The following SUSD4 variants were observed in gnomAD, a reference collection of about 807,000 sequenced individuals.
SUSD4 encodes sushi domain containing 4.
In SUSD4, 41 loss-of-function variants were observed where a neutral mutation model predicts 50.5. That is an observed-to-expected ratio of 0.81 (90% CI 0.63 to 1.05). The LOEUF is 1.05. Ranked by LOEUF, SUSD4 falls within the 50% of genes least tolerant of loss-of-function variation. The pLI is 0.00. For synonymous variants in SUSD4, 257 were observed against 257.3 expected (o/e 1.00, Z 0.01); for missense variants, 580 against 634.7 (o/e 0.91, Z 0.93).
intron 3 of SUSD4, among the ~76,000 whole-genome samples, chr1:223,282,011 G>C (rs994341827): frequency 6.6e-6 from 1 of 151,988 alleles, no homozygotes; most frequent in African/African-American, 2.4e-5. Flanking sequence ...CAATAGACAT[G>C]GAAAAGGCCT....
Position 223,363,374 on chromosome 1 carries a change from G to A in SUSD4, c.52C>T (p.Gln18Ter). Residue 18 changes from glutamine (Q) to a stop codon, truncating the protein, a stop_gained, in exon 2 of 9, where the codon CAG becomes TAG. Transcript: ENST00000366878. LOFTEE classifies it high-confidence loss of function. ...GGGGACTGAGGTTGCTGCTGCTGCTGCTGCTGCTCTAGAAATCCATCTCCA... is the reference window on the plus strand; with the variant it reads ...GGGGACTGAGGTTGCTGCTGCTGCTACTGCTGCTCTAGAAATCCATCTCCA... ...SNGDGFLEQQ[Q>*]QQQQPQSPQR... 1 of 1,596,028 alleles carries A rather than the reference G, an allele frequency of 6.3e-7. No homozygotes were observed. The highest frequency in any genetic ancestry group is 8.5e-7 in the Non-Finnish European group (1 of 1,171,270).
chr1:223,275,424 TCAA>T (rs1419537285), intron 3 of SUSD4, among the ~76,000 whole-genome samples: 1 of 152,194 alleles, frequency 6.6e-6, no homozygotes, highest in Non-Finnish European at 1.5e-5. Context: ...TCTGGAAAGT[TCAA>T]CAACAAGGAA....
intron 2 of SUSD4, among the ~76,000 whole-genome samples, chr1:223,314,995 G>A (rs825124): frequency 0.15 from 22,881 of 152,196 alleles, 2,083 homozygotes; most frequent in East Asian, 0.24. Flanking sequence ...AGGAGGCTGA[G>A]GGAGTGGAGC....
intron 8 of SUSD4, 103 bp from the exon 9 acceptor site, chr1:223,222,323 G>T: frequency 8.0e-7 from 1 of 1,247,940 alleles, no homozygotes; most frequent in Non-Finnish European, 1.1e-6. Flanking sequence ...TCAAATCAGT[G>T]AGGAGAAGAA....
intron 2 of SUSD4, among the ~76,000 whole-genome samples, chr1:223,347,385 A>G (rs1413032437): frequency 6.6e-6 from 1 of 152,074 alleles, no homozygotes; most frequent in East Asian, 1.9e-4. Context: ...CCCAGTGCAG[A>G]CGTCTTTCAA....
intron 3 of SUSD4, among the ~76,000 whole-genome samples, chr1:223,288,229 T>G (rs1326084533): frequency 1.3e-5 from 2 of 152,224 alleles, no homozygotes; most frequent in South Asian, 2.1e-4. Context: ...GGAGTTCTCA[T>G]GAGATCTGAT....
chr1:223,264,820 T>C lies in SUSD4; in HGVS notation c.536-2A>G. On this transcript the variant is annotated splice_acceptor_variant, in intron 4 of 8. Coordinates refer to ENST00000366878, the MANE Select transcript of SUSD4 (RefSeq NM_017982.4). LOFTEE classifies it high-confidence loss of function. ...AAGAGGCTAGAGGTCTCAGGCAGCCTGTGGAAGGTGAAAGAAAAAGGGAAA... is the reference window on the plus strand; with the variant it reads ...AAGAGGCTAGAGGTCTCAGGCAGCCCGTGGAAGGTGAAAGAAAAAGGGAAA... 6.2e-7 allele frequency: 1 copy of C among 1,610,882 alleles called. No homozygotes were observed. The highest frequency in any genetic ancestry group is 8.5e-7 in the Non-Finnish European group (1 of 1,178,126).
At chr1:223,233,658 C>T (rs1271516179) in intron 5 of SUSD4, among the ~76,000 whole-genome samples, 1 of 152,166 alleles carries the variant, frequency 6.6e-6, no homozygotes, top group Non-Finnish European at 1.5e-5. Context: ...CTGTGTGTTC[C>T]TAGAAATTCC....
intron 2 of SUSD4, among the ~76,000 whole-genome samples, chr1:223,314,619 C>A (rs889106713): frequency 3.9e-5 from 6 of 152,156 alleles, no homozygotes; most frequent in Admixed American, 6.5e-5. Context: ...GTCATTGAAT[C>A]ATGGGGGCGG....
At position 223,264,614 on chromosome 1, in the gene SUSD4, G is replaced by A; in HGVS notation, c.724+16C>T. On this transcript the variant is annotated intron_variant, in intron 5 of 8. Coordinates refer to ENST00000366878, the MANE Select transcript of SUSD4 (RefSeq NM_017982.4). ...ATAATACAAAATACAACTTCCGAAAGAATGAGATGTGTTACCTTCCAGAGC... is the reference window on the plus strand; with the variant it reads ...ATAATACAAAATACAACTTCCGAAAAAATGAGATGTGTTACCTTCCAGAGC... 6.8e-6 allele frequency: 11 copies of A among 1,612,362 alleles called. No individual in the cohort carries two copies. The highest frequency in any genetic ancestry group is 1.3e-5 in the African/African-American group (1 of 75,004).
intron 2 of SUSD4, among the ~76,000 whole-genome samples, chr1:223,328,525 C>T (rs1182671504): frequency 6.6e-6 from 1 of 152,176 alleles, no homozygotes; most frequent in Non-Finnish European, 1.5e-5. Flanking sequence ...CAAAAGGTAC[C>T]TCTGTGTTTA....
rs908431417 is a variant in SUSD4 at position 223,356,001 on chromosome 1, G to A, written c.148+7277C>T. On this transcript the variant is annotated intron_variant, in intron 2 of 8. Coordinates refer to ENST00000366878, the MANE Select transcript of SUSD4 (RefSeq NM_017982.4). ...GCACATGCCTCTGTTACACAGGGGA[G>A]AGTCATCTATAATGGCACTCCCAAC... is the stretch of plus-strand genomic sequence containing the variant. 3.9e-5 allele frequency among the ~76,000 whole-genome samples: 6 copies of A among 152,180 alleles called. 1 individual carries two copies. The highest frequency in any genetic ancestry group is 3.9e-4 in the Admixed American group (6 of 15,282).
intron 2 of SUSD4, among the ~76,000 whole-genome samples, chr1:223,352,698 C>G (rs973939263): frequency 1.3e-5 from 2 of 152,144 alleles, no homozygotes; most frequent in Non-Finnish European, 2.9e-5. Flanking sequence ...ACCTGCAAAG[C>G]TATAGAGGAC....
intron 2 of SUSD4, among the ~76,000 whole-genome samples, chr1:223,341,217 T>C (rs116323536): frequency 0.023 from 3,501 of 152,314 alleles, 74 homozygotes; most frequent in Non-Finnish European, 0.035. Flanking sequence ...TGTCCCCCAC[T>C]ATAACATGGG....
intron 2 of SUSD4, among the ~76,000 whole-genome samples, chr1:223,331,748 A>G (rs963329346): frequency 3.6e-4 from 55 of 152,250 alleles, no homozygotes; most frequent in African/African-American, 1.3e-3. Context: ...CATCTGACCA[A>G]GCCATCTGCT....
intron 5 of SUSD4, among the ~76,000 whole-genome samples, chr1:223,241,516 T>C (rs147719948): frequency 3.4e-4 from 51 of 152,224 alleles, no homozygotes; most frequent in African/African-American, 1.1e-3. Flanking sequence ...TCTCTCTATA[T>C]TGAGAGCAGC....
chr1:223,293,006 T>A (rs1664596872), intron 2 of SUSD4, among the ~76,000 whole-genome samples: 1 of 152,152 alleles, frequency 6.6e-6, no homozygotes, highest in Admixed American at 6.5e-5. Context: ...TTCAAGGAGA[T>A]GGCATCTGAG....
At chr1:223,318,906 C>T (rs71244646) in intron 2 of SUSD4, among the ~76,000 whole-genome samples, 1 of 99,740 alleles carries the variant, frequency 1.0e-5, no homozygotes, top group African/African-American at 4.0e-5. Context: ...TCAAACTATA[C>T]TACAAGGCTA....
At chr1:223,347,108 T>C (rs1451804452) in intron 2 of SUSD4, among the ~76,000 whole-genome samples, 1 of 152,190 alleles carries the variant, frequency 6.6e-6, no homozygotes, top group African/African-American at 2.4e-5. Context: ...CATATATTTA[T>C]GGGGTACATG....
Sources: gnomAD v4.1 joint callset for allele counts (sites outside exome capture counted in the v4.1 genomes callset) on GRCh38, gnomAD v4.1.1 for gene constraint, MANE v1.5 for transcripts, NCBI Gene and HGNC (gene_info 2026-07-23, HGNC 2026-07-21) for gene names.